Variants in MPP7 observed in about 807,000 individuals in gnomAD.
MPP7 encodes MAGUK p55 scaffold protein 7, also known as MAGUK p55 subfamily member 7.
A neutral mutation model predicts 76.5 loss-of-function variants in MPP7; 60 were observed. The observed-to-expected ratio is 0.78, with a 90% CI of 0.64 to 0.97. The LOEUF is 0.97. Among genes scored for constraint, MPP7 ranks in the 50% least tolerant of loss-of-function variants. The pLI is 0.00. For synonymous variants in MPP7, 237 were observed against 244.5 expected (o/e 0.97, Z 0.29); for missense variants, 641 against 694.0 (o/e 0.92, Z 0.86).
intron 15 of MPP7, among the ~76,000 whole-genome samples, chr10:28,057,314 G>A (rs1851593525): frequency 6.6e-6 from 1 of 152,138 alleles, no homozygotes; most frequent in African/African-American, 2.4e-5. Flanking sequence ...ACTGCTGTAG[G>A]TGCAGCCTGT....
chr10:28,109,385 A>G (rs376660041), intron 11 of MPP7, among the ~76,000 whole-genome samples: 4 of 152,220 alleles, frequency 2.6e-5, no homozygotes, highest in Non-Finnish European at 5.9e-5. Flanking sequence ...AGGTAATTAG[A>G]AAAGTCCAGA....
At chr10:28,326,307 G>A (rs72805623) in intron 2 of MPP7, among the ~76,000 whole-genome samples, 9,642 of 152,194 alleles carry the variant, frequency 0.063, 369 homozygotes, top group Middle Eastern at 0.082. Context: ...TAAAAAGACC[G>A]CTGTTCATCT....
rs757815062 is a variant in MPP7 at position 28,120,682 on chromosome 10, A to G, written c.616-14T>C. The G allele has an allele frequency of 1.0e-4, 166 of 1,608,342 alleles. 1 individual carries two copies. In the Middle Eastern group the frequency reaches 5.8e-3, roughly 56 times the overall value. ...CTGAGACTGAGCCTGGTAACAGATA[A>G]AACAAGGAGTTATAAGAAAACCAGA... is the stretch of plus-strand genomic sequence containing the variant. On this transcript the variant is annotated splice_polypyrimidine_tract_variant and intron_variant, in intron 8 of 16. Coordinates refer to ENST00000683449, the MANE Select transcript of MPP7 (RefSeq NM_001318170.2).
chr10:28,179,704 G>A (rs956293532), intron 3 of MPP7, among the ~76,000 whole-genome samples: 4 of 152,100 alleles, frequency 2.6e-5, no homozygotes, highest in African/African-American at 7.2e-5. Flanking sequence ...ACCTAGTGGA[G>A]GCACATAATA....
At chr10:28,322,161 A>G (rs559631983) in intron 2 of MPP7, among the ~76,000 whole-genome samples, 116 of 152,184 alleles carry the variant, frequency 7.6e-4, no homozygotes, top group Non-Finnish European at 1.2e-3. Flanking sequence ...CAGGACTTGC[A>G]ATCAACTTAG....
intron 12 of MPP7, among the ~76,000 whole-genome samples, chr10:28,086,907 G>T (rs576627645): frequency 6.6e-6 from 1 of 152,304 alleles, no homozygotes; most frequent in East Asian, 1.9e-4. Context: ...ACCAGGCAGA[G>T]TGTAGATGGA....
intron 16 of MPP7, among the ~76,000 whole-genome samples, chr10:28,055,028 G>A (rs550007412): frequency 1.1e-4 from 16 of 152,154 alleles, no homozygotes; most frequent in Non-Finnish European, 1.3e-4. Flanking sequence ...AGGAGCCTTC[G>A]TGTCTCACAT....
At chr10:28,145,058 C>A (rs1413495192) in intron 5 of MPP7, among the ~76,000 whole-genome samples, 1 of 152,118 alleles carries the variant, frequency 6.6e-6, no homozygotes, top group Non-Finnish European at 1.5e-5. Context: ...GGATTACAGG[C>A]ACACACCACC....
intron 11 of MPP7, among the ~76,000 whole-genome samples, chr10:28,093,425 A>T (rs1030772079): frequency 6.6e-6 from 1 of 151,486 alleles, no homozygotes; most frequent in African/African-American, 2.4e-5. Flanking sequence ...TTTAAAATTC[A>T]CTTAAGTTTT....
chr10:28,326,195 A>C (rs1834412835), intron 2 of MPP7, among the ~76,000 whole-genome samples: 1 of 152,080 alleles, frequency 6.6e-6, no homozygotes, highest in African/African-American at 2.4e-5. Context: ...AAAATCTCTT[A>C]TTTTTATTTA....
chr10:28,178,670 G>A (rs79041263), intron 3 of MPP7, among the ~76,000 whole-genome samples: 2,505 of 152,010 alleles, frequency 0.016, 27 homozygotes, highest in African/African-American at 0.027. Context: ...TTTACAATGG[G>A]GTAAAGATTA....
intron 2 of MPP7, 63 bp downstream of exon 2, chr10:28,238,505 T>G (rs1839153953): frequency 6.5e-7 from 1 of 1,548,742 alleles, no homozygotes; most frequent in Non-Finnish European, 8.9e-7. Context: ...GCATGCTGTA[T>G]TTCACTGTGA....
chr10:28,113,054 C>T (rs747976177), intron 11 of MPP7, among the ~76,000 whole-genome samples: 12 of 152,242 alleles, frequency 7.9e-5, no homozygotes, highest in African/African-American at 1.4e-4. Flanking sequence ...ATGGGACATA[C>T]GGATACAGCC....
chr10:28,272,909 GTTT>G (rs74345938), intron 1 of MPP7, among the ~76,000 whole-genome samples: 1 of 151,588 alleles, frequency 6.6e-6, no homozygotes, highest in Non-Finnish European at 1.5e-5. Context: ...AAAATGGTTT[GTTT>G]TTTTTGTTTG....
At chr10:28,257,758 A>T (rs1482341229) in intron 1 of MPP7, among the ~76,000 whole-genome samples, 1 of 140,404 alleles carries the variant, frequency 7.1e-6, no homozygotes, top group Non-Finnish European at 1.5e-5. Flanking sequence ...AAAAAAAAAA[A>T]AAGAAAAGAA....
chr10:28,290,456 G>C (rs74377492), intron 1 of MPP7, among the ~76,000 whole-genome samples: 3,771 of 151,984 alleles, frequency 0.025, 152 homozygotes, highest in African/African-American at 0.086. Context: ...TTATTATAAA[G>C]TCATTTTTAA....
intron 12 of MPP7, among the ~76,000 whole-genome samples, chr10:28,078,972 C>A (rs768943658): frequency 2.0e-5 from 3 of 152,090 alleles, no homozygotes; most frequent in Non-Finnish European, 2.9e-5. Context: ...TTATGTTTAT[C>A]TTAAAAAGGT....
At chr10:28,323,322 G>A (rs533501187) in intron 2 of MPP7, among the ~76,000 whole-genome samples, 2 of 152,046 alleles carry the variant, frequency 1.3e-5, no homozygotes, top group South Asian at 2.1e-4. Flanking sequence ...GCATGGTGGT[G>A]TACACCTGTG....
At chr10:28,188,611 A>T (rs1440146481) in intron 3 of MPP7, among the ~76,000 whole-genome samples, 1 of 152,182 alleles carries the variant, frequency 6.6e-6, no homozygotes, top group Non-Finnish European at 1.5e-5. Context: ...AAGGACCAAA[A>T]TAGTAAGCAA....
Sources: allele counts gnomAD v4.1 joint callset (sites outside exome capture counted in the v4.1 genomes callset), GRCh38; gene constraint gnomAD v4.1.1; transcripts MANE v1.5; gene names NCBI Gene and HGNC (gene_info 2026-07-23, HGNC 2026-07-21).